PCSK6: variants seen among roughly 807,000 people sequenced by gnomAD.
PCSK6 encodes paired basic amino acid cleaving enzyme 4.
A neutral mutation model predicts 123.3 loss-of-function variants in PCSK6; 85 were observed. The ratio of observed to expected loss-of-function variants is 0.69; its 90% CI spans 0.58 to 0.83. PCSK6 has a LOEUF of 0.83. Among genes scored for constraint, PCSK6 ranks in the 40% least tolerant of loss-of-function variants. The pLI is 0.00. For missense variants in PCSK6, 1,191 were observed against 1,282.3 expected, an observed-to-expected ratio of 0.93 and a Z score of 1.09; for synonymous variants, 508 against 516.0, an observed-to-expected ratio of 0.98 and a Z score of 0.21.
At chr15:101,390,206 C>T (rs1567183962) in intron 8 of PCSK6, among the ~76,000 whole-genome samples, 1 of 152,302 alleles carries the variant, frequency 6.6e-6, no homozygotes, top group Non-Finnish European at 1.5e-5. Flanking sequence ...GCCTGCCCTC[C>T]TCGGAGGCAC....
chr15:101,307,329 T>G lies in PCSK6; in HGVS notation c.2700-4A>C. ...GCTCAAGCAGTTCTCGTCACACCTGTGGGAAGATACCGTTCCTGCTGAAGT... is the reference window on the plus strand; with the variant it reads ...GCTCAAGCAGTTCTCGTCACACCTGGGGGAAGATACCGTTCCTGCTGAAGT... On this transcript the variant is annotated splice_polypyrimidine_tract_variant and splice_region_variant and intron_variant, in intron 20 of 21. Transcript: ENST00000611716. 1 of 1,608,582 alleles carries G rather than the reference T, an allele frequency of 6.2e-7. No homozygotes were observed. Among genetic ancestry groups the G allele is most frequent in the East Asian group, 2.2e-5 (1 of 44,792 alleles).
chr15:101,379,617 C>A (rs189547070), intron 11 of PCSK6, among the ~76,000 whole-genome samples: 10 of 152,312 alleles, frequency 6.6e-5, no homozygotes, highest in Admixed American at 1.3e-4. Flanking sequence ...TCCTAGGATT[C>A]CACCATGAGA....
chr15:101,433,864 C>T (rs1231908837), intron 2 of PCSK6, among the ~76,000 whole-genome samples: 2 of 152,188 alleles, frequency 1.3e-5, no homozygotes. Flanking sequence ...CCTTGGTGTA[C>T]AGGGCAAAAT....
At chr15:101,310,806 C>A (rs767211434) in intron 20 of PCSK6, among the ~76,000 whole-genome samples, 2 of 152,186 alleles carry the variant, frequency 1.3e-5, no homozygotes, top group African/African-American at 2.4e-5. Context: ...GGGAGGCAGA[C>A]CCCACTGTGT....
intron 9 of PCSK6, among the ~76,000 whole-genome samples, chr15:101,388,866 A>T (rs2042147015): frequency 6.6e-6 from 1 of 152,172 alleles, no homozygotes; most frequent in Non-Finnish European, 1.5e-5. Context: ...AGAGACAGAA[A>T]GTAGAATGGT....
intron 7 of PCSK6, among the ~76,000 whole-genome samples, chr15:101,395,727 G>A (rs527822425): frequency 3.9e-4 from 59 of 152,274 alleles, no homozygotes; most frequent in African/African-American, 1.3e-3. Context: ...CAATCAAATC[G>A]TATTTCGATG....
chr15:101,403,977 G>A lies in PCSK6; in HGVS notation c.824-5401C>T, dbSNP rs146422235. 9.1e-3 allele frequency among the ~76,000 whole-genome samples: 1,381 copies of A among 152,252 alleles called. 19 individuals are homozygous for A. Among genetic ancestry groups the A allele is most frequent in the African/African-American group, 0.031 (1,293 of 41,540 alleles). ...TTCAGGTGATCCGCCCACCTCGCAG[G>A]CCATTGCTTTTTAAATACTACTAGT... On this transcript the variant is annotated intron_variant, in intron 6 of 21. Coordinates refer to ENST00000611716, the MANE Select transcript of PCSK6 (RefSeq NM_002570.5).
intron 3 of PCSK6, 55 bp from the exon 4 acceptor site, chr15:101,431,518 C>A: frequency 6.2e-7 from 1 of 1,608,340 alleles, no homozygotes; most frequent in Non-Finnish European, 8.5e-7. Context: ...AGATGCAGAA[C>A]TGACACTCGG....
chr15:101,390,317 A>G (rs1428212483), intron 8 of PCSK6, among the ~76,000 whole-genome samples: 1 of 152,128 alleles, frequency 6.6e-6, no homozygotes, highest in East Asian at 1.9e-4. Context: ...CTGGGGGTTC[A>G]GCCTGTGTGG....
chr15:101,425,999 T>C (rs2056243168), intron 6 of PCSK6, among the ~76,000 whole-genome samples: 1 of 152,198 alleles, frequency 6.6e-6, no homozygotes, highest in African/African-American at 2.4e-5. Context: ...ATGCAAACCC[T>C]GACTCCGTAG....
At chr15:101,338,500 G>A (rs1487076666) in intron 13 of PCSK6, among the ~76,000 whole-genome samples, 1 of 152,196 alleles carries the variant, frequency 6.6e-6, no homozygotes, top group African/African-American at 2.4e-5. Context: ...GGAAGAACAG[G>A]CAGATGTGTC....
intron 1 of PCSK6, among the ~76,000 whole-genome samples, chr15:101,460,357 T>C (rs916315265): frequency 6.6e-6 from 1 of 151,900 alleles, no homozygotes; most frequent in African/African-American, 2.4e-5. Context: ...TATTATGCTG[T>C]CCCCTCTACC....
intron 13 of PCSK6, 70 bp from the exon 14 acceptor site, chr15:101,332,101 G>A (rs2073592): frequency 0.24 from 335,751 of 1,397,312 alleles, 46,870 homozygotes; most frequent in African/African-American, 0.61. Flanking sequence ...AAATAAGCCA[G>A]ATGCTGCCTG....
intron 1 of PCSK6, among the ~76,000 whole-genome samples, chr15:101,469,886 C>T (rs2057562128): frequency 6.6e-6 from 1 of 152,222 alleles, no homozygotes; most frequent in South Asian, 2.1e-4. Flanking sequence ...ATAGTGCTTT[C>T]CTAGTCTGAC....
chr15:101,397,021 T>C (rs2042432985), intron 7 of PCSK6, among the ~76,000 whole-genome samples: 1 of 151,700 alleles, frequency 6.6e-6, no homozygotes, highest in Non-Finnish European at 1.5e-5. Flanking sequence ...ACTTGCAGAG[T>C]GACACCAAGT....
intron 6 of PCSK6, among the ~76,000 whole-genome samples, chr15:101,406,117 G>C (rs1567197568): frequency 6.6e-6 from 1 of 152,140 alleles, no homozygotes; most frequent in Non-Finnish European, 1.5e-5. Context: ...TCAACATGCA[G>C]CCGGCCCCAG....
intron 6 of PCSK6, among the ~76,000 whole-genome samples, chr15:101,406,748 G>A (rs939362299): frequency 6.6e-6 from 1 of 152,136 alleles, no homozygotes; most frequent in African/African-American, 2.4e-5. Context: ...ACCTACGTTC[G>A]CCATCGTGAC....
chr15:101,479,525 T>C (rs1008116294), intron 1 of PCSK6, among the ~76,000 whole-genome samples: 8 of 152,076 alleles, frequency 5.3e-5, no homozygotes, highest in Admixed American at 2.0e-4. Flanking sequence ...GCTGTGGCCA[T>C]GGGCTGGGTG....
At chr15:101,314,793 C>A (rs1460684864) in intron 19 of PCSK6, among the ~76,000 whole-genome samples, 1 of 152,200 alleles carries the variant, frequency 6.6e-6, no homozygotes, top group Non-Finnish European at 1.5e-5. Flanking sequence ...GTCTTCATGG[C>A]AGGTGTCTCC....
Sources: allele counts gnomAD v4.1 joint callset (sites outside exome capture counted in the v4.1 genomes callset), GRCh38; gene constraint gnomAD v4.1.1; transcripts MANE v1.5; gene names NCBI Gene and HGNC (gene_info 2026-07-23, HGNC 2026-07-21).